Variants in EPHA5 observed in about 807,000 individuals in gnomAD.
EPHA5 encodes the protein EPH receptor A5, also known as ephrin type-A receptor 5.
EPHA5 carries 60 observed loss-of-function variants against 105.0 expected under a neutral mutation model. The ratio of observed to expected loss-of-function variants is 0.57; its 90% confidence interval spans 0.46 to 0.71. The LOEUF (loss-of-function observed/expected upper bound fraction) is 0.71. Ranked by LOEUF, EPHA5 falls within the 30% of genes least tolerant of loss-of-function variation. The pLI, the probability that EPHA5 is intolerant of heterozygous loss-of-function variation, is 0.00. For missense variants in EPHA5, 1,218 were observed against 1,274.7 expected, an observed-to-expected ratio of 0.96 and a Z score of 0.68; for synonymous variants, 513 against 449.1, an observed-to-expected ratio of 1.14 and a Z score of -1.80.
At chr4:65,560,539 A>C (rs1738902700) in intron 3 of EPHA5, among the ~76,000 whole-genome samples, 1 of 152,100 alleles carries the variant, frequency 6.6e-6, no homozygotes, top group South Asian at 2.1e-4. Context: ...TATCATTGTT[A>C]GGATAAACAC....
intron 11 of EPHA5, among the ~76,000 whole-genome samples, chr4:65,353,355 T>C (rs905920735): frequency 1.3e-5 from 2 of 148,886 alleles, no homozygotes; most frequent in African/African-American, 2.4e-5. Context: ...TTTTTTAAAG[T>C]ATTTTAAAAC....
chr4:65,527,454 AG>A (rs1162482448), intron 3 of EPHA5, among the ~76,000 whole-genome samples: 2 of 152,158 alleles, frequency 1.3e-5, no homozygotes, highest in South Asian at 2.1e-4. Context: ...GAGTACAAAA[AG>A]TCATAACTTC....
At chr4:65,380,553 A>G (rs1719453258) in intron 8 of EPHA5, among the ~76,000 whole-genome samples, 1 of 151,768 alleles carries the variant, frequency 6.6e-6, no homozygotes, top group Admixed American at 6.6e-5. Flanking sequence ...ATTCTTAAAC[A>G]AGAGATCATA....
At chr4:65,666,448 G>A (rs192403058) in intron 1 of EPHA5, among the ~76,000 whole-genome samples, 1 of 152,182 alleles carries the variant, frequency 6.6e-6, no homozygotes, top group Non-Finnish European at 1.5e-5. Flanking sequence ...ACAGCAAAAA[G>A]TGGCAGCTAC....
chr4:65,331,058 CAT>C (rs35764347), intron 16 of EPHA5: 63,601 of 1,043,424 alleles, frequency 0.061, 2,056 homozygotes, highest in Admixed American at 0.13. Context: ...ATGTTCATAT[CAT>C]GTGTACAAAT....
At chr4:65,655,830 G>A in intron 1 of EPHA5, among the ~76,000 whole-genome samples, 1 of 152,180 alleles carries the variant, frequency 6.6e-6, no homozygotes, top group South Asian at 2.1e-4. Context: ...GGGACCATTG[G>A]TTTAAAGTAA....
At chr4:65,514,258 T>A (rs2149266035) in intron 3 of EPHA5, among the ~76,000 whole-genome samples, 1 of 152,304 alleles carries the variant, frequency 6.6e-6, no homozygotes, top group Non-Finnish European at 1.5e-5. Context: ...TGCAATCTGA[T>A]GTTGACATTC....
intron 14 of EPHA5, among the ~76,000 whole-genome samples, chr4:65,345,952 T>C (rs1722181983): frequency 6.6e-6 from 1 of 151,932 alleles, no homozygotes; most frequent in Non-Finnish European, 1.5e-5. Context: ...TTTTGTATTT[T>C]TAGTAGAGAC....
chr4:65,384,179 T>C (rs112540462), intron 8 of EPHA5, among the ~76,000 whole-genome samples: 104 of 151,984 alleles, frequency 6.8e-4, no homozygotes, highest in African/African-American at 2.5e-3. Context: ...CTCATACCCA[T>C]GCGCCTTTTT....
At chr4:65,331,485 A>G (rs1340276312) in intron 16 of EPHA5, 4 of 1,050,868 alleles carry the variant, frequency 3.8e-6, no homozygotes, top group Non-Finnish European at 3.4e-6. Flanking sequence ...AAGGTGCACC[A>G]TTTAGAAATT....
intron 1 of EPHA5, among the ~76,000 whole-genome samples, chr4:65,647,066 C>T (rs1024005119): frequency 1.3e-5 from 2 of 151,984 alleles, no homozygotes; most frequent in Non-Finnish European, 2.9e-5. Flanking sequence ...TGGTGGCTCA[C>T]GCCTGTAATC....
chr4:65,537,814 A>G (rs1270298953), intron 3 of EPHA5, among the ~76,000 whole-genome samples: 1 of 151,786 alleles, frequency 6.6e-6, no homozygotes, highest in East Asian at 1.9e-4. Context: ...CTTAAGGAAC[A>G]GAGAGAAAAG....
intron 3 of EPHA5, among the ~76,000 whole-genome samples, chr4:65,568,579 T>A (rs563952272): frequency 1.3e-5 from 2 of 151,142 alleles, no homozygotes; most frequent in Non-Finnish European, 3.0e-5. Context: ...CCTCTGATAT[T>A]GTGTTTTATT....
At chr4:65,392,002 C>T (rs967012559) in intron 8 of EPHA5, among the ~76,000 whole-genome samples, 10 of 152,054 alleles carry the variant, frequency 6.6e-5, no homozygotes, top group African/African-American at 2.2e-4. Flanking sequence ...ATTTGATTTG[C>T]TCAATAGTGG....
intron 16 of EPHA5, 74 bp from the exon 17 acceptor site, chr4:65,324,293 G>A: frequency 9.9e-7 from 1 of 1,011,684 alleles, no homozygotes; most frequent in Non-Finnish European, 1.5e-6. Context: ...GTTGGCAAAG[G>A]GGCAAACATA....
At chr4:65,459,849 A>T (rs1353606837) in intron 5 of EPHA5, among the ~76,000 whole-genome samples, 1 of 151,858 alleles carries the variant, frequency 6.6e-6, no homozygotes. Context: ...AGATAGTTAA[A>T]ATCAGCAAAT....
intron 2 of EPHA5, 140 bp downstream of exon 2, chr4:65,643,223 C>T (rs1397044868): frequency 3.4e-6 from 2 of 583,070 alleles, no homozygotes; most frequent in East Asian, 3.0e-5. Flanking sequence ...TATTTGAAGT[C>T]CCCTCACCCC....
rs1577795124 is a variant in EPHA5, at chr4:65,320,575, A to G, written c.*3539T>C. The G allele has an allele frequency of 1.7e-5, 4 of 229,720 alleles. No individual in the cohort carries two copies. The East Asian group carries it at 2.5e-4, about 14-fold the overall frequency. 14.2% of individuals were successfully genotyped at this position (229,720 alleles called of 1,614,324 possible). A position where few individuals can be genotyped will look rare whatever the true frequency, so the allele number is the denominator to read the frequency against. Reference sequence around the variant, plus strand: ...ATCCAATGCACTTTTATAGCCAAAAATGTCTTCAGAAGGTAAATATCTGTG... The same window carrying G: ...ATCCAATGCACTTTTATAGCCAAAAGTGTCTTCAGAAGGTAAATATCTGTG... On this transcript the variant is annotated 3_prime_UTR_variant, in exon 17 of 17. Coordinates refer to ENST00000613740, the MANE Select transcript of EPHA5 (RefSeq NM_001281766.3).
chr4:65,447,242 T>C (rs1376423700), intron 5 of EPHA5, among the ~76,000 whole-genome samples: 1 of 151,978 alleles, frequency 6.6e-6, no homozygotes, highest in Non-Finnish European at 1.5e-5. Context: ...AGTTAGAATA[T>C]GGCAATAGTT....
Sources: allele counts gnomAD v4.1 joint callset (sites outside exome capture counted in the v4.1 genomes callset), GRCh38; gene constraint gnomAD v4.1.1; transcripts MANE v1.5; gene names NCBI Gene and HGNC (gene_info 2026-07-23, HGNC 2026-07-21).